KCNN1: variants seen among roughly 807,000 people sequenced by gnomAD.
KCNN1 encodes the protein small conductance calcium-activated potassium channel protein 1.
In KCNN1, 20 loss-of-function variants were observed where a neutral mutation model predicts 44.7. That is an observed-to-expected ratio of 0.45 (90% CI 0.32 to 0.65). The LOEUF is 0.65. Among genes scored for constraint, KCNN1 ranks in the 30% least tolerant of loss-of-function variants. The pLI is 0.05. For missense variants in KCNN1, 632 were observed against 785.3 expected (o/e 0.80, Z 2.33); for synonymous variants, 324 against 341.7 (o/e 0.95, Z 0.57).
At chr19:17,961,601 A>G (rs907379767) in intron 2 of KCNN1, among the ~76,000 whole-genome samples, 8 of 54,162 alleles carry the variant, frequency 1.5e-4, no homozygotes, top group African/African-American at 6.3e-4. Context: ...TTTTTTTTTG[A>G]GACGGAGTCT....
In KCNN1 at chr19:17,993,476, C is replaced by A. The variant is rs1599380236; in HGVS notation, c.1308-14C>A. The A allele has an allele frequency of 3.7e-6, 6 of 1,611,536 alleles. No homozygotes were observed. In the East Asian group the frequency reaches 1.3e-4, roughly 36 times the overall value. ...ACCTGCCTAACCCCCTCCCCCAACC[C>A]CGTGTCCCCACAGGCTCCGGAGTGT... is the stretch of plus-strand genomic sequence containing the variant. On this transcript the variant is annotated splice_polypyrimidine_tract_variant and intron_variant, in intron 8 of 9. Transcript: ENST00000684775. The surrounding 1 kb of genome is among the most constrained non-coding windows in gnomAD (Gnocchi z 4.5).
intron 1 of KCNN1, 29 bp from the exon 2 acceptor site, chr19:17,973,779 T>TTACA (rs1224478412): frequency 3.4e-6 from 5 of 1,478,682 alleles, no homozygotes; most frequent in Non-Finnish European, 4.5e-6. Context: ...TGGACCCTGC[T>TTACA]GTGACCATGT....
rs2032887688 is a variant in KCNN1 at position 17,993,833 on chromosome 19, T to A, written c.1377+274T>A. ...GCTGAGGGAGGAGAATCGCTTGAAC[T>A]TGGGGGGTTGAGGCTGCAGTGAGCC... On this transcript the variant is annotated intron_variant, in intron 9 of 9. Coordinates refer to ENST00000684775, the MANE Select transcript of KCNN1 (RefSeq NM_001386974.1). The surrounding 1 kb of genome is among the most constrained non-coding windows in gnomAD (Gnocchi z 4.5). Among the ~76,000 whole-genome samples the A allele has an allele frequency of 6.6e-6, 1 of 151,880 alleles. No individual in the cohort carries two copies. The highest frequency in any genetic ancestry group is 2.1e-4 in the South Asian group (1 of 4,810).
chr19:17,977,146 C>T (rs941424621), intron 3 of KCNN1, among the ~76,000 whole-genome samples: 22 of 152,098 alleles, frequency 1.4e-4, no homozygotes, highest in Non-Finnish European at 2.9e-4. Flanking sequence ...AGAGACAATC[C>T]GTCCCAGGCC....
chr19:17,966,078 T>C (rs146490561), upstream of KCNN1, among the ~76,000 whole-genome samples: 72 of 117,998 alleles, frequency 6.1e-4, no homozygotes, highest in African/African-American at 2.2e-3. Context: ...CCTTCCTTCC[T>C]TCCTTCAGTC....
chr19:17,956,040 C>A (rs945298411), intron 2 of KCNN1, among the ~76,000 whole-genome samples: 2 of 152,092 alleles, frequency 1.3e-5, no homozygotes, highest in African/African-American at 4.8e-5. Context: ...CGGGTTCAAG[C>A]GATTCTCCTG....
chr19:17,968,560 G>T (rs1449211724), intron 1 of KCNN1, among the ~76,000 whole-genome samples: 1 of 152,074 alleles, frequency 6.6e-6, no homozygotes, highest in African/African-American at 2.4e-5. Flanking sequence ...AAAAATGCTC[G>T]CTGGAGGGCC....
rs2032640664 is a variant in KCNN1 at position 17,987,506 on chromosome 19, C to CTATTTG, written c.1060-909_1060-908insTATTTG. On this transcript the variant is annotated intron_variant, in intron 5 of 9. Coordinates refer to ENST00000684775, the MANE Select transcript of KCNN1 (RefSeq NM_001386974.1). ...TGCAGAGCCGTTGTCCATTCCTTTT[C>CTATTTG]CTTGCTGTCTAGTATTCTAGGTGGA... Among the ~76,000 whole-genome samples, 3 of 152,190 alleles carry CTATTTG rather than the reference C, an allele frequency of 2.0e-5. No individual in the cohort carries two copies. The South Asian group carries it at 6.2e-4, about 31-fold the overall frequency.
Position 17,973,925 on chromosome 19 carries a change from C to T in KCNN1, c.37C>T (p.Pro13Ser). 1 of 1,555,276 alleles carries T rather than the reference C, an allele frequency of 6.4e-7. No homozygotes were observed. Among genetic ancestry groups the T allele is most frequent in the Non-Finnish European group, 8.7e-7 (1 of 1,151,660 alleles). Reference sequence around the variant, plus strand: ...CAGCTACAATGGCAGCGTGGGGCGGCCGCTGGGCAGCGGGCCGGGCGCCCT... The same window carrying T: ...CAGCTACAATGGCAGCGTGGGGCGGTCGCTGGGCAGCGGGCCGGGCGCCCT... ...SHSYNGSVGRPLGSGPGALGR... is the reference protein window; with the variant it reads ...SHSYNGSVGRSLGSGPGALGR... The change falls in exon 2 of 10, where the codon CCG becomes TCG. Residue 13 changes from proline (P) to serine (S), a missense_variant. Pro to Ser is a moderately conservative substitution (Grantham distance 74). This residue lies in a region of KCNN1 where 235 missense variants were observed against 224.0 expected (regional missense o/e 1.05). Transcript: ENST00000684775.
chr19:17,953,960 A>T (rs766960428), intron 1 of KCNN1, among the ~76,000 whole-genome samples: 23 of 152,070 alleles, frequency 1.5e-4, no homozygotes, highest in Non-Finnish European at 2.9e-4. Flanking sequence ...CCCATGGCGA[A>T]GGAACTAGGG....
At chr19:17,990,177 T>C (rs2032739487) in intron 7 of KCNN1, 2 of 471,260 alleles carry the variant, frequency 4.2e-6, no homozygotes, top group Non-Finnish European at 8.3e-6. Flanking sequence ...GTCTGATCCA[T>C]GGGATCATGT....
chr19:17,994,541 AGCTTTATTTATTTATTTTTTG>A (rs2032915425), intron 9 of KCNN1, among the ~76,000 whole-genome samples: 1 of 144,970 alleles, frequency 6.9e-6, no homozygotes, highest in African/African-American at 2.5e-5. Flanking sequence ...TTTTTTTTTT[AGCTTTATTTATTTATTTTTTG>A]AGACAGAGTC....
At chr19:17,976,803 C>A (rs1599359871) in intron 3 of KCNN1, among the ~76,000 whole-genome samples, 1 of 151,256 alleles carries the variant, frequency 6.6e-6, no homozygotes, top group East Asian at 1.9e-4. Flanking sequence ...GCAACCTCCG[C>A]CTCCCAGGTT....
At chr19:17,970,797 A>T (rs1375850912) in intron 1 of KCNN1, among the ~76,000 whole-genome samples, 2 of 152,144 alleles carry the variant, frequency 1.3e-5, no homozygotes, top group African/African-American at 4.8e-5. Flanking sequence ...GGACAGACAC[A>T]GTGTGGGGGG....
At chr19:17,996,606 C>A (rs939572991) in intron 9 of KCNN1, among the ~76,000 whole-genome samples, 1 of 152,120 alleles carries the variant, frequency 6.6e-6, no homozygotes. Context: ...GACTTCGTCT[C>A]AAAAATAAAA....
chr19:17,956,957 C>G (rs1222427124), intron 2 of KCNN1, among the ~76,000 whole-genome samples: 3 of 151,582 alleles, frequency 2.0e-5, no homozygotes, highest in African/African-American at 2.4e-5. Flanking sequence ...CTGAGGCAGG[C>G]AGGAGAATCG....
chr19:17,957,492 CA>C (rs955288062), intron 2 of KCNN1, among the ~76,000 whole-genome samples: 11 of 152,086 alleles, frequency 7.2e-5, no homozygotes, highest in Non-Finnish European at 1.5e-5. Context: ...GGGCAGTGAT[CA>C]TGAGCTGAGA....
At chr19:17,953,773 T>A (rs1200187992) in intron 1 of KCNN1, among the ~76,000 whole-genome samples, 1 of 151,694 alleles carries the variant, frequency 6.6e-6, no homozygotes, top group Non-Finnish European at 1.5e-5. Context: ...TACAAAAAAT[T>A]AAAAAAATTA....
intron 5 of KCNN1, 102 bp downstream of exon 5, chr19:17,985,555 C>A: frequency 9.3e-7 from 1 of 1,071,540 alleles, no homozygotes; most frequent in Non-Finnish European, 1.3e-6. Flanking sequence ...CATCCCATCA[C>A]GAGCTGTGCC....
Sources: allele counts gnomAD v4.1 joint callset (sites outside exome capture counted in the v4.1 genomes callset), GRCh38; gene constraint gnomAD v4.1.1; regional missense constraint gnomAD v4.1.1; non-coding constraint Gnocchi (gnomAD v3.1); transcripts MANE v1.5; gene names NCBI Gene and HGNC (gene_info 2026-07-23, HGNC 2026-07-21).